The following ASAP1 variants were observed in gnomAD, a reference collection of about 807,000 sequenced individuals.
ASAP1 encodes ArfGAP with SH3 domain, ankyrin repeat and PH domain 1.
In ASAP1, 43 loss-of-function variants were observed where a neutral mutation model predicts 145.2. The observed-to-expected ratio is 0.30, with a 90% confidence interval of 0.23 to 0.38. The LOEUF (loss-of-function observed/expected upper bound fraction) is 0.38. Among genes scored for constraint, ASAP1 ranks in the 10% least tolerant of loss-of-function variants. ASAP1 has a pLI of 1.00. For missense variants in ASAP1, 1,018 were observed against 1,355.3 expected (o/e 0.75, Z 3.91); for synonymous variants, 546 against 515.5 (o/e 1.06, Z -0.80).
chr8:130,251,600 A>G (rs905510275), intron 3 of ASAP1, among the ~76,000 whole-genome samples: 5 of 152,144 alleles, frequency 3.3e-5, no homozygotes, highest in African/African-American at 4.8e-5. Flanking sequence ...AAACAAAACC[A>G]AGACAAAAGA....
chr8:130,416,804 A>G (rs997867103), intron 1 of ASAP1, among the ~76,000 whole-genome samples: 2 of 152,218 alleles, frequency 1.3e-5, no homozygotes, highest in African/African-American at 4.8e-5. Context: ...AGAAATCATA[A>G]TGACCACATG....
At chr8:130,230,065 AAAACAAACAAACAAACAAACAAAC>A (rs3997633) in intron 4 of ASAP1, among the ~76,000 whole-genome samples, 6 of 150,280 alleles carry the variant, frequency 4.0e-5, no homozygotes, top group East Asian at 3.9e-4. Context: ...TCCTGTCTCC[AAAACAAACAAACAAACAAACAAAC>A]AAACAAACAA....
intron 7 of ASAP1, 99 bp downstream of exon 7, chr8:130,187,137 G>T: frequency 1.0e-6 from 1 of 1,002,752 alleles, no homozygotes; most frequent in South Asian, 1.5e-5. Context: ...TATTAGTTAA[G>T]GGCTCTGTCC....
Position 130,180,737 on chromosome 8 carries a change from A to G in ASAP1, c.660+14T>C. ...TTATAATTCTAGGCAAATGGTGGAA[A>G]AGTCCATTCTTACTTCACACATTTG... is the stretch of plus-strand genomic sequence containing the variant. On this transcript the variant is annotated intron_variant, in intron 8 of 29. Coordinates refer to ENST00000518721, the MANE Select transcript of ASAP1 (RefSeq NM_018482.4). The G allele has an allele frequency of 6.3e-7, 1 of 1,599,510 alleles. No homozygotes were observed. Among genetic ancestry groups the G allele is most frequent in the Middle Eastern group, 1.7e-4 (1 of 5,974 alleles).
At chr8:130,384,554 C>T (rs534007434) in intron 2 of ASAP1, among the ~76,000 whole-genome samples, 1 of 152,310 alleles carries the variant, frequency 6.6e-6, no homozygotes, top group African/African-American at 2.4e-5. Flanking sequence ...TCTTGGCTCA[C>T]TGCAACCTCC....
chr8:130,353,350 C>T (rs1016771767), intron 3 of ASAP1, among the ~76,000 whole-genome samples: 2 of 151,988 alleles, frequency 1.3e-5, no homozygotes, highest in African/African-American at 4.8e-5. Context: ...TCCAAATCTT[C>T]GAAAGTACAG....
At position 130,358,266 on chromosome 8, in the gene ASAP1, TGGC is replaced by T; in HGVS notation, c.60-126_60-124del. The T allele has an allele frequency of 2.9e-6, 2 of 692,928 alleles. No individual in the cohort carries two copies. Among genetic ancestry groups the T allele is most frequent in the Non-Finnish European group, 3.7e-6 (2 of 542,482 alleles). 42.9% of individuals were successfully genotyped at this position (692,928 alleles called of 1,614,324 possible). ...GCAGCCCGCCACCCGCCGCCCGGCCTGGCGCGCGGCTCCCGTCCCCGGCAGCGG... is the reference window on the plus strand; with the variant it reads ...GCAGCCCGCCACCCGCCGCCCGGCCTGCGCGGCTCCCGTCCCCGGCAGCGG... On this transcript the variant is annotated intron_variant, in intron 2 of 29. Transcript: ENST00000518721. This position sits in a 1 kb window ranked among gnomAD's most constrained non-coding sequence, Gnocchi z 4.1.
intron 4 of ASAP1, among the ~76,000 whole-genome samples, chr8:130,232,036 G>A (rs760801700): frequency 6.6e-6 from 1 of 152,196 alleles, no homozygotes; most frequent in Non-Finnish European, 1.5e-5. Flanking sequence ...TAAGTGAGTG[G>A]TAGTTCTCCA....
intron 2 of ASAP1, among the ~76,000 whole-genome samples, chr8:130,399,685 A>T (rs1298053604): frequency 6.6e-6 from 1 of 152,150 alleles, no homozygotes; most frequent in Non-Finnish European, 1.5e-5. Flanking sequence ...AAGTAATTAC[A>T]ATGCCCTATG....
chr8:130,280,757 G>A (rs564323850), intron 3 of ASAP1, among the ~76,000 whole-genome samples: 1 of 152,270 alleles, frequency 6.6e-6, no homozygotes, highest in African/African-American at 2.4e-5. Context: ...AGTGCCAAAA[G>A]TGAATTTAAT....
intron 3 of ASAP1, among the ~76,000 whole-genome samples, chr8:130,348,326 G>C (rs1007987656): frequency 6.6e-6 from 1 of 152,152 alleles, no homozygotes; most frequent in African/African-American, 2.4e-5. Context: ...AAATGCAGTC[G>C]TCTTTTGGGC....
At chr8:130,350,908 A>T (rs1825956243) in intron 3 of ASAP1, among the ~76,000 whole-genome samples, 1 of 152,192 alleles carries the variant, frequency 6.6e-6, no homozygotes, top group Non-Finnish European at 1.5e-5. Flanking sequence ...CTCATAGGCA[A>T]ATCAGGTTGG....
At chr8:130,067,306 T>C (rs2097432798) in intron 27 of ASAP1, among the ~76,000 whole-genome samples, 1 of 152,176 alleles carries the variant, frequency 6.6e-6, no homozygotes, top group Non-Finnish European at 1.5e-5. Context: ...TAGTTTAGTG[T>C]GAGTGTGCCA....
intron 2 of ASAP1, among the ~76,000 whole-genome samples, chr8:130,400,071 C>T (rs1007174506): frequency 7.9e-5 from 12 of 152,232 alleles, no homozygotes; most frequent in Admixed American, 2.6e-4. Context: ...CCGCCCACCT[C>T]GGCCTCCCAA....
chr8:130,070,902 AGGGAGAGAGAGGGGGAGAGAGAGG>A (rs1477759734), intron 27 of ASAP1, among the ~76,000 whole-genome samples: 1 of 15,696 alleles, frequency 6.4e-5, no homozygotes, highest in African/African-American at 3.1e-4. Flanking sequence ...GGAGAGAGGG[AGGGAGAGAGAGGGGGAGAGAGAGG>A]GGGAGAGAGA....
intron 7 of ASAP1, among the ~76,000 whole-genome samples, chr8:130,184,710 T>A (rs964024229): frequency 6.6e-6 from 1 of 152,204 alleles, no homozygotes; most frequent in African/African-American, 2.4e-5. Flanking sequence ...AAAAGCACTA[T>A]CTGATGTTTT....
At chr8:130,326,800 C>A (rs1284348093) in intron 3 of ASAP1, among the ~76,000 whole-genome samples, 1 of 152,226 alleles carries the variant, frequency 6.6e-6, no homozygotes, top group African/African-American at 2.4e-5. Flanking sequence ...CTTCTCTCCA[C>A]ATTGTGTTTC....
chr8:130,236,415 T>G (rs1209482673), intron 4 of ASAP1, among the ~76,000 whole-genome samples: 2 of 152,062 alleles, frequency 1.3e-5, no homozygotes, highest in African/African-American at 2.4e-5. Context: ...AAACATTTAG[T>G]TACACAGGTT....
At chr8:130,423,154 A>T (rs745696200) in intron 1 of ASAP1, among the ~76,000 whole-genome samples, 2 of 152,110 alleles carry the variant, frequency 1.3e-5, no homozygotes, top group Non-Finnish European at 2.9e-5. Flanking sequence ...CCCAGGCTGG[A>T]GTGCAGTGGG....
Sources: allele counts gnomAD v4.1 joint callset (sites outside exome capture counted in the v4.1 genomes callset), GRCh38; gene constraint gnomAD v4.1.1; non-coding constraint Gnocchi (gnomAD v3.1); transcripts MANE v1.5; gene names NCBI Gene and HGNC (gene_info 2026-07-23, HGNC 2026-07-21).